GRM8: variants seen among roughly 807,000 people sequenced by gnomAD.
GRM8 encodes metabotropic glutamate receptor 8.
In GRM8, 47 loss-of-function variants were observed where a neutral mutation model predicts 87.2. The ratio of observed to expected loss-of-function variants is 0.54; its 90% CI spans 0.43 to 0.69. The LOEUF is 0.69. GRM8 is among the 30% of genes least tolerant of loss of function. The pLI is 0.00. For missense variants in GRM8, 1,019 were observed against 1,139.2 expected (o/e 0.89, Z 1.52); for synonymous variants, 396 against 404.5 (o/e 0.98, Z 0.25).
chr7:127,067,739 C>A (rs1046929284), intron 3 of GRM8, among the ~76,000 whole-genome samples: 1 of 152,116 alleles, frequency 6.6e-6, no homozygotes, highest in African/African-American at 2.4e-5. Context: ...TCTTTTATAG[C>A]AAAAGTAAAC....
chr7:126,826,785 C>T (rs1354699925), intron 6 of GRM8, among the ~76,000 whole-genome samples: 3 of 152,002 alleles, frequency 2.0e-5, no homozygotes, highest in South Asian at 4.2e-4. Context: ...ACATGAAGTC[C>T]TTGCCCATGC....
chr7:126,625,743 G>A (rs981557508), intron 7 of GRM8, among the ~76,000 whole-genome samples: 1 of 151,886 alleles, frequency 6.6e-6, no homozygotes, highest in African/African-American at 2.4e-5. Flanking sequence ...TGAATTAGGA[G>A]GTTTAAATAA....
rs775478378 is a variant in GRM8 at position 126,990,583 on chromosome 7, G to A, written c.728-85900C>T. ...GGAATAAAAGATTGTTGACGTTACCGTTACTTACAGACAAATGCTTTCCAA... is the reference window on the plus strand; with the variant it reads ...GGAATAAAAGATTGTTGACGTTACCATTACTTACAGACAAATGCTTTCCAA... On this transcript the variant is annotated intron_variant, in intron 3 of 10. Transcript: ENST00000339582. Among the ~76,000 whole-genome samples the A allele has an allele frequency of 8.1e-4, 123 of 152,276 alleles. 1 individual carries two copies. The highest frequency in any genetic ancestry group is 1.2e-3 in the Non-Finnish European group (85 of 68,018).
intron 7 of GRM8, among the ~76,000 whole-genome samples, chr7:126,748,083 A>G (rs1347502508): frequency 6.6e-6 from 1 of 152,032 alleles, no homozygotes; most frequent in Non-Finnish European, 1.5e-5. Context: ...ATTTCTGTCT[A>G]TGATAAGAAA....
intron 2 of GRM8, among the ~76,000 whole-genome samples, chr7:127,237,946 G>A (rs1218592781): frequency 6.6e-6 from 1 of 152,172 alleles, no homozygotes; most frequent in Non-Finnish European, 1.5e-5. Context: ...ATTTAAAGGA[G>A]AGCAGAGGAA....
intron 6 of GRM8, among the ~76,000 whole-genome samples, chr7:126,835,548 G>A (rs1795764788): frequency 6.6e-6 from 1 of 152,156 alleles, no homozygotes; most frequent in Admixed American, 6.6e-5. Context: ...AAAAAAGTTT[G>A]TAGTGATAAA....
chr7:126,898,475 A>G (rs1250069509), intron 6 of GRM8, among the ~76,000 whole-genome samples: 1 of 152,148 alleles, frequency 6.6e-6, no homozygotes, highest in Non-Finnish European at 1.5e-5. Context: ...ATCACCCACA[A>G]TGGAATTTGC....
chr7:127,205,297 T>C (rs924153493), intron 2 of GRM8, among the ~76,000 whole-genome samples: 1 of 152,154 alleles, frequency 6.6e-6, no homozygotes, highest in Non-Finnish European at 1.5e-5. Context: ...TCTGGCCTCA[T>C]AGAACTTTCA....
intron 7 of GRM8, among the ~76,000 whole-genome samples, chr7:126,662,961 T>C (rs1307281745): frequency 6.6e-6 from 1 of 152,200 alleles, no homozygotes; most frequent in Non-Finnish European, 1.5e-5. Context: ...TATTGTAAAA[T>C]GCATTTTCTC....
intron 2 of GRM8, among the ~76,000 whole-genome samples, chr7:127,133,291 G>A (rs17869793): frequency 0.013 from 1,972 of 152,144 alleles, 34 homozygotes; most frequent in African/African-American, 0.044. Flanking sequence ...GGTGGCGGGT[G>A]CCTGTAATCC....
chr7:126,865,080 G>A (rs1370788462), intron 6 of GRM8, among the ~76,000 whole-genome samples: 1 of 152,150 alleles, frequency 6.6e-6, no homozygotes, highest in Non-Finnish European at 1.5e-5. Context: ...CAGAATCCTA[G>A]CTCTGAGATT....
chr7:126,864,195 T>C (rs1277897034), intron 6 of GRM8, among the ~76,000 whole-genome samples: 2 of 152,102 alleles, frequency 1.3e-5, no homozygotes, highest in South Asian at 2.1e-4. Context: ...AAGATTACCT[T>C]CCCATTTCAT....
At chr7:126,535,772 G>A (rs895943287) in intron 8 of GRM8, among the ~76,000 whole-genome samples, 1 of 152,098 alleles carries the variant, frequency 6.6e-6, no homozygotes, top group Non-Finnish European at 1.5e-5. Context: ...CCAGAGCCAA[G>A]TCCCTCCTAC....
At chr7:127,190,342 G>A (rs1007332510) in intron 2 of GRM8, among the ~76,000 whole-genome samples, 2 of 152,028 alleles carry the variant, frequency 1.3e-5, no homozygotes, top group African/African-American at 2.4e-5. Context: ...TTTGGAGTTC[G>A]AGACCAGCCT....
In GRM8 at chr7:126,997,620, G is replaced by A. The variant is rs1813317713; in HGVS notation, c.728-92937C>T. The stretch of plus-strand genomic sequence containing the variant: ...AGAAGACATTACAACTGATACAACA[G>A]GAATTTAAAGGATCATTAGTGACTA... On this transcript the variant is annotated intron_variant, in intron 3 of 10. Coordinates refer to ENST00000339582, the MANE Select transcript of GRM8 (RefSeq NM_000845.3). Among the ~76,000 whole-genome samples the A allele has an allele frequency of 4.7e-5, 7 of 149,616 alleles. No homozygotes were observed. In the South Asian group the frequency reaches 1.5e-3, roughly 31 times the overall value.
At chr7:127,011,459 C>T (rs867246273) in intron 3 of GRM8, among the ~76,000 whole-genome samples, 1 of 152,096 alleles carries the variant, frequency 6.6e-6, no homozygotes, top group African/African-American at 2.4e-5. Context: ...TTAGGATGTG[C>T]AGTTGTGATC....
intron 3 of GRM8, among the ~76,000 whole-genome samples, chr7:127,006,578 AT>A (rs1814330838): frequency 1.3e-5 from 2 of 151,968 alleles, no homozygotes; most frequent in African/African-American, 4.8e-5. Flanking sequence ...TGTCTCAATT[AT>A]TCAGTCTCTC....
intron 2 of GRM8, among the ~76,000 whole-genome samples, chr7:127,172,530 C>G (rs1177853621): frequency 6.6e-6 from 1 of 151,816 alleles, no homozygotes; most frequent in African/African-American, 2.4e-5. Flanking sequence ...CATGATGAAA[C>G]CCCATCTGTA....
At chr7:126,770,509 G>A (rs1173952040) in intron 6 of GRM8, among the ~76,000 whole-genome samples, 2 of 151,992 alleles carry the variant, frequency 1.3e-5, no homozygotes, top group Admixed American at 6.6e-5. Context: ...TTTTGAATGT[G>A]CTCCATTTGG....
Sources: allele counts gnomAD v4.1 joint callset (sites outside exome capture counted in the v4.1 genomes callset), GRCh38; gene constraint gnomAD v4.1.1; transcripts MANE v1.5; gene names NCBI Gene and HGNC (gene_info 2026-07-23, HGNC 2026-07-21).